Variants in LRP1B observed in about 807,000 individuals in gnomAD.
The protein encoded by LRP1B is low-density lipoprotein receptor-related protein 1B.
Under a neutral mutation model 556.6 loss-of-function variants are expected in LRP1B, and 217 were observed. The ratio of observed to expected loss-of-function variants is 0.39; its 90% CI spans 0.35 to 0.44. The LOEUF is 0.44. LRP1B is among the 20% of genes least tolerant of loss of function. The pLI, the probability that LRP1B is intolerant of heterozygous loss-of-function variation, is 1.00. For missense variants in LRP1B, 5,053 were observed against 5,620.8 expected (o/e 0.90, Z 3.23); for synonymous variants, 2,047 against 1,865.8 (o/e 1.10, Z -2.50).
chr2:140,911,424 G>C (rs1429345), intron 21 of LRP1B, among the ~76,000 whole-genome samples: 147,595 of 151,830 alleles, frequency 0.97, 71,884 homozygotes, highest in East Asian at 1. Context: ...CGTATACTTC[G>C]GTAACTTTTC....
intron 1 of LRP1B, among the ~76,000 whole-genome samples, chr2:141,923,190 CCA>C (rs1700234066): frequency 6.6e-6 from 1 of 151,420 alleles, no homozygotes; most frequent in Non-Finnish European, 1.5e-5. Flanking sequence ...TAGGCATGTA[CCA>C]CAAAACAATG....
chr2:140,918,683 C>T (rs1694651359), intron 21 of LRP1B, among the ~76,000 whole-genome samples: 2 of 152,012 alleles, frequency 1.3e-5, no homozygotes, highest in Admixed American at 1.3e-4. Context: ...GTGTCCAGAC[C>T]AAATTCATGT....
chr2:141,285,320 C>A (rs1685667351), intron 3 of LRP1B, among the ~76,000 whole-genome samples: 1 of 151,856 alleles, frequency 6.6e-6, no homozygotes, highest in Non-Finnish European at 1.5e-5. Flanking sequence ...AACTCCTGAC[C>A]TCGTTTTCCA....
At position 140,903,180 on chromosome 2, in the gene LRP1B, G is replaced by C. The variant is rs202210981; in HGVS notation, c.3521-15C>G. 6.2e-7 allele frequency: 1 copy of C among 1,611,056 alleles called. No individual in the cohort carries two copies. The highest frequency in any genetic ancestry group is 1.1e-5 in the South Asian group (1 of 90,844). Reference sequence around the variant, plus strand: ...CGAACACTCATCTATAAAAAGGGGGGAACAGATTATAGGTCTTATCAATTG... The same window carrying C: ...CGAACACTCATCTATAAAAAGGGGGCAACAGATTATAGGTCTTATCAATTG... On this transcript the variant is annotated splice_polypyrimidine_tract_variant and intron_variant, in intron 22 of 90. Coordinates refer to ENST00000389484, the MANE Select transcript of LRP1B (RefSeq NM_018557.3).
chr2:140,390,464 A>T (rs1417694694), intron 66 of LRP1B, among the ~76,000 whole-genome samples: 1 of 152,158 alleles, frequency 6.6e-6, no homozygotes, highest in African/African-American at 2.4e-5. Context: ...CTGAAAGTAT[A>T]AACATAATGT....
rs115249373 is a variant in LRP1B, at chr2:141,933,816, A to C, written c.83-123415T>G. ...AGAGGTTCTACAAAGCTCTAAATGA[A>C]TGCTTCTTTAGGTCATTAGCCAAGA... On this transcript the variant is annotated intron_variant, in intron 1 of 90. Transcript: ENST00000389484. Among the ~76,000 whole-genome samples the C allele has an allele frequency of 2.5e-3, 382 of 152,288 alleles. 1 individual carries two copies. The highest frequency in any genetic ancestry group is 8.8e-3 in the African/African-American group (365 of 41,566).
At chr2:142,085,338 C>A (rs1235565956) in intron 1 of LRP1B, among the ~76,000 whole-genome samples, 1 of 152,154 alleles carries the variant, frequency 6.6e-6, no homozygotes, top group African/African-American at 2.4e-5. Flanking sequence ...TGTCATGGCA[C>A]CATGTAATAT....
At chr2:140,871,240 C>G (rs1460237925) in intron 25 of LRP1B, among the ~76,000 whole-genome samples, 2 of 152,088 alleles carry the variant, frequency 1.3e-5, no homozygotes, top group African/African-American at 4.8e-5. Flanking sequence ...TTATAGTACA[C>G]ATTTGTTGGG....
At chr2:140,275,320 A>G (rs1682625176) in intron 84 of LRP1B, among the ~76,000 whole-genome samples, 1 of 152,058 alleles carries the variant, frequency 6.6e-6, no homozygotes, top group African/African-American at 2.4e-5. Context: ...CTAGAAGCAG[A>G]GAGCTCTCTT....
intron 32 of LRP1B, among the ~76,000 whole-genome samples, chr2:140,784,186 C>T (rs113785551): frequency 6.6e-6 from 1 of 152,020 alleles, no homozygotes; most frequent in Non-Finnish European, 1.5e-5. Context: ...AATCTCCCAC[C>T]ATAATGTTCA....
At position 141,903,931 on chromosome 2, in the gene LRP1B, G is replaced by A. The variant is rs189045518; in HGVS notation, c.83-93530C>T. 1.1e-3 allele frequency among the ~76,000 whole-genome samples: 164 copies of A among 151,968 alleles called. 7 individuals are homozygous for A. The South Asian group carries it at 0.032, about 30-fold the overall frequency. On this transcript the variant is annotated intron_variant, in intron 1 of 90. Coordinates refer to ENST00000389484, the MANE Select transcript of LRP1B (RefSeq NM_018557.3). ...CATGGAAGATGAATGGAGAAGCCAC[G>A]AAAACATCTGGGGAATGAACATCAT... is the stretch of plus-strand genomic sequence containing the variant.
In LRP1B at chr2:140,485,411, C is replaced by T. The variant is rs781685502; in HGVS notation, c.9357G>A (p.Leu3119=). 6.2e-7 allele frequency: 1 copy of T among 1,613,860 alleles called. No individual in the cohort carries two copies. The highest frequency in any genetic ancestry group is 8.5e-7 in the Non-Finnish European group (1 of 1,179,860). Residue 3119 remains leucine, a synonymous_variant, in exon 59 of 91, where the codon TTG becomes TTA. Coordinates refer to ENST00000389484, the MANE Select transcript of LRP1B (RefSeq NM_018557.3). The part of the protein sequence containing the change: ...RIIEVSKLNG[L]YPTILVSKRL... ...TTTTGCTAACGAGTATAGTAGGGTACAAGCCATTGAGTTTGGATACTTCAA... is the reference window on the plus strand; with the variant it reads ...TTTTGCTAACGAGTATAGTAGGGTATAAGCCATTGAGTTTGGATACTTCAA...
At chr2:141,484,148 A>T (rs1295450592) in intron 2 of LRP1B, among the ~76,000 whole-genome samples, 2 of 149,800 alleles carry the variant, frequency 1.3e-5, no homozygotes, top group African/African-American at 4.9e-5. Context: ...TATAAGGTGT[A>T]AGTAAGGGAT....
chr2:140,743,007 A>G (rs1286243074), intron 35 of LRP1B, among the ~76,000 whole-genome samples: 2 of 152,152 alleles, frequency 1.3e-5, no homozygotes, highest in Non-Finnish European at 2.9e-5. Flanking sequence ...TAAAAATAAG[A>G]CAAAGATTTT....
rs1337705207 is a variant in LRP1B at position 140,743,986 on chromosome 2, AAAAAAGT to A, written c.5758+25220_5758+25226del. Reference sequence around the variant, plus strand: ...GTCTCAAAAAAAAAAAAAAAAAAAAAAAAAAGTAAAAAGTAAAATCCATAGACATAGA... The same window carrying A: ...GTCTCAAAAAAAAAAAAAAAAAAAAAAAAAAGTAAAATCCATAGACATAGA... On this transcript the variant is annotated intron_variant, in intron 35 of 90. Coordinates refer to ENST00000389484, the MANE Select transcript of LRP1B (RefSeq NM_018557.3). Among the ~76,000 whole-genome samples the A allele has an allele frequency of 3.3e-3, 98 of 29,798 alleles. 20 individuals are homozygous for A. Among genetic ancestry groups the A allele is most frequent in the African/African-American group, 7.1e-3 (92 of 13,024 alleles). 19.5% of individuals were successfully genotyped at this position (29,798 alleles called of 152,430 possible). A position where few individuals can be genotyped will look rare whatever the true frequency, so the allele number is the denominator to read the frequency against.
At chr2:140,881,635 A>G (rs973084798) in intron 25 of LRP1B, among the ~76,000 whole-genome samples, 1 of 152,038 alleles carries the variant, frequency 6.6e-6, no homozygotes. Context: ...TTATTTTGTT[A>G]CCCTATTTTA....
chr2:140,675,727 T>C (rs898639027), intron 41 of LRP1B, among the ~76,000 whole-genome samples: 14 of 152,136 alleles, frequency 9.2e-5, no homozygotes, highest in African/African-American at 3.4e-4. Flanking sequence ...CAGTGCACTA[T>C]GATTGCACCT....
chr2:141,675,463 C>T (rs960940203), intron 2 of LRP1B, among the ~76,000 whole-genome samples: 1 of 151,714 alleles, frequency 6.6e-6, no homozygotes, highest in African/African-American at 2.4e-5. Flanking sequence ...AGTCCAGAGG[C>T]ATCAGGTTTT....
chr2:140,535,605 A>T (rs1367730759), intron 46 of LRP1B, among the ~76,000 whole-genome samples: 2 of 152,174 alleles, frequency 1.3e-5, no homozygotes, highest in African/African-American at 4.8e-5. Context: ...GCAGTTTCAG[A>T]TGTAGATTCC....
Sources: allele counts gnomAD v4.1 joint callset (sites outside exome capture counted in the v4.1 genomes callset), GRCh38; gene constraint gnomAD v4.1.1; transcripts MANE v1.5; gene names NCBI Gene and HGNC (gene_info 2026-07-23, HGNC 2026-07-21).